Variants in SCRIB observed in about 807,000 individuals in gnomAD.
SCRIB encodes the protein scribble planar cell polarity protein.
Under a neutral mutation model 170.0 loss-of-function variants are expected in SCRIB, and 72 were observed. The observed-to-expected ratio is 0.42, with a 90% CI of 0.35 to 0.52. The LOEUF (loss-of-function observed/expected upper bound fraction) is 0.52, where lower values mean the gene tolerates loss of function less well. Ranked by LOEUF, SCRIB falls within the 20% of genes least tolerant of loss-of-function variation. The probability of loss-of-function intolerance (pLI) is 0.02; values close to 1 mark genes in which losing one functional copy is unlikely to be tolerated. For synonymous variants in SCRIB, 1,298 were observed against 1,044.3 expected, an observed-to-expected ratio of 1.24 and a Z score of -4.68; for missense variants, 2,475 against 2,338.5, an observed-to-expected ratio of 1.06 and a Z score of -1.20.
At position 143,804,027 on chromosome 8, in the gene SCRIB, C is replaced by T. The variant is rs555328683; in HGVS notation, c.3120+19G>A. ...GATGGGTGCACCTCTCACAGAACCG[C>T]CTGGATGGGCCGCCCTACCTTGGAG... On this transcript the variant is annotated intron_variant, in intron 22 of 36. Coordinates refer to ENST00000356994, the MANE Select transcript of SCRIB (RefSeq NM_182706.5). 10 of 1,594,494 alleles carry T rather than the reference C, an allele frequency of 6.3e-6. No individual in the cohort carries two copies. Among genetic ancestry groups the T allele is most frequent in the African/African-American group, 4.0e-5 (3 of 74,622 alleles).
At position 143,792,960 on chromosome 8, in the gene SCRIB, T is replaced by C. The variant is rs1451976745; in HGVS notation, c.4017+16A>G. 3.3e-6 allele frequency: 5 copies of C among 1,498,940 alleles called. No individual in the cohort carries two copies. The highest frequency in any genetic ancestry group is 4.4e-6 in the Non-Finnish European group (5 of 1,125,684). The allele number at this position is 1,498,940 out of a possible 1,614,324, so 92.9% of individuals were successfully genotyped here. On this transcript the variant is annotated intron_variant, in intron 29 of 36. Transcript: ENST00000356994. ...CCCAACCACGCGCAGCAGGGAGGCG[T>C]GCTGCCCCCACACACCTGGGCAGGG...
chr8:143,807,411 T>C lies in SCRIB; in HGVS notation c.2178+141A>G, dbSNP rs1188821842. ...CTGCCCCAGGCAGGAGGTGTCCTGA[T>C]CCTGGAGCCCAGCTGGATCTGAGAG... On this transcript the variant is annotated intron_variant, in intron 16 of 36. Transcript: ENST00000356994. The C allele has an allele frequency of 5.1e-6, 4 of 782,598 alleles. No homozygotes were observed. In the Admixed American group the frequency reaches 7.1e-5, roughly 14 times the overall value. 48.5% of individuals were successfully genotyped at this position (782,598 alleles called of 1,614,324 possible).
Position 143,814,005 on chromosome 8 carries a change from C to T in SCRIB, c.273G>A (p.Arg91=), listed in dbSNP as rs1414162068. The T allele has an allele frequency of 1.3e-6, 2 of 1,546,758 alleles. No homozygotes were observed. Among genetic ancestry groups the T allele is most frequent in the Non-Finnish European group, 1.8e-6 (2 of 1,135,996 alleles). The change falls in exon 2 of 37, where the codon CGG becomes CGA. Residue 91 remains arginine, a synonymous_variant. Transcript: ENST00000356994. The part of the protein sequence containing the change: ...FMQLVELDVS[R]NDIPEIPESI... ...GCCCCTGCCCAGGCTCCCCACCGTT[C>T]CGGGACACGTCCAGCTCCACCAGCT...
rs1586544269 is a variant in SCRIB at position 143,815,432 on chromosome 8, C to T, written c.-60G>A. The T allele has an allele frequency of 9.6e-7, 1 of 1,045,352 alleles. No homozygotes were observed. The allele number at this position is 1,045,352 out of a possible 1,614,324, so 64.8% of individuals were successfully genotyped here. On this transcript the variant is annotated 5_prime_UTR_variant, in exon 1 of 37. Coordinates refer to ENST00000356994, the MANE Select transcript of SCRIB (RefSeq NM_182706.5). Reference sequence around the variant, plus strand: ...GCTCGGCGGGCTCGGGGCCGGGGGGCGGGGCTCAGTCCGCATGGGCGCCGC... The same window carrying T: ...GCTCGGCGGGCTCGGGGCCGGGGGGTGGGGCTCAGTCCGCATGGGCGCCGC...
In SCRIB at chr8:143,793,630, G is replaced by C. The variant is rs939498986; in HGVS notation, c.3909+270C>G. The C allele has an allele frequency of 2.6e-5, 12 of 454,324 alleles. 1 individual carries two copies. Among genetic ancestry groups the C allele is most frequent in the African/African-American group, 9.9e-5 (5 of 50,728 alleles). 28.1% of individuals were successfully genotyped at this position (454,324 alleles called of 1,614,324 possible). ...GTGGGCCCTGGGAGGTGTTGGGCCTGAGACACTGACTGGGGTCTCAGGAGC... is the reference window on the plus strand; with the variant it reads ...GTGGGCCCTGGGAGGTGTTGGGCCTCAGACACTGACTGGGGTCTCAGGAGC... On this transcript the variant is annotated intron_variant, in intron 28 of 36. Coordinates refer to ENST00000356994, the MANE Select transcript of SCRIB (RefSeq NM_182706.5).
At chr8:143,809,127 C>G in intron 14 of SCRIB, 102 bp from the exon 15 acceptor site, 2 of 1,430,596 alleles carry the variant, frequency 1.4e-6, no homozygotes, top group African/African-American at 2.8e-5. Context: ...CGAAAGCCTC[C>G]CCGCCACACA....
Position 143,810,969 on chromosome 8 carries a change from C to T in SCRIB, c.1210G>A (p.Ala404Thr), listed in dbSNP as rs1342532008. The T allele has an allele frequency of 4.3e-6, 7 of 1,611,806 alleles. No individual in the cohort carries two copies. Among genetic ancestry groups the T allele is most frequent in the Non-Finnish European group, 5.9e-6 (7 of 1,179,572 alleles). ...PMLRFQTEDD[A>T]RTGEKVLTCY... Reference sequence around the variant, plus strand: ...GTGAGCACCTTCTCGCCGGTCCGGGCATCATCCTCCGTCTGGAACCGGAGC... The same window carrying T: ...GTGAGCACCTTCTCGCCGGTCCGGGTATCATCCTCCGTCTGGAACCGGAGC... The change falls in exon 11 of 37, where the codon GCC becomes ACC. Residue 404 changes from alanine (A) to threonine (T), a missense_variant. Transcript: ENST00000356994.
intron 18 of SCRIB, among the ~76,000 whole-genome samples, chr8:143,806,106 T>G (rs1470069775): frequency 6.6e-6 from 1 of 152,132 alleles, no homozygotes; most frequent in Non-Finnish European, 1.5e-5. Flanking sequence ...GAGGCCACTG[T>G]GCCAGGTGCA....
At position 143,812,317 on chromosome 8, in the gene SCRIB, G is replaced by C; in HGVS notation, c.855C>G (p.Ile285Met). The C allele has an allele frequency of 1.2e-6, 2 of 1,613,678 alleles. No homozygotes were observed. The highest frequency in any genetic ancestry group is 1.7e-6 in the Non-Finnish European group (2 of 1,179,696). The change falls in exon 9 of 37, where the codon ATC (isoleucine) becomes ATG (methionine). Residue 285 changes from isoleucine (I) to methionine (M), a missense_variant. Physicochemically the swap from Ile to Met is conservative, Grantham distance 10 (BLOSUM62 1). Transcript: ENST00000356994. The part of the protein sequence containing the change: ...QNRLCEVTEA[I>M]GDCENLSELI... Reference sequence around the variant, plus strand: ...GCTCAGAGAGGTTCTCACAGTCCCCGATGGCCTCGGTCACCTCGCACAGCC... The same window carrying C: ...GCTCAGAGAGGTTCTCACAGTCCCCCATGGCCTCGGTCACCTCGCACAGCC...
Position 143,791,086 on chromosome 8 carries a change from G to A in SCRIB, c.*77C>T, listed in dbSNP as rs1396011159. 2 of 1,346,416 alleles carry A rather than the reference G, an allele frequency of 1.5e-6. No homozygotes were observed. The highest frequency in any genetic ancestry group is 1.9e-6 in the Non-Finnish European group (2 of 1,048,808). 83.4% of individuals were successfully genotyped at this position (1,346,416 alleles called of 1,614,324 possible). ...GTCTCTTTAAAATGCTAACACCCAG[G>A]TTAAAAGACTTGGGGCAAGGGTGGT... On this transcript the variant is annotated 3_prime_UTR_variant, in exon 37 of 37. Coordinates refer to ENST00000356994, the MANE Select transcript of SCRIB (RefSeq NM_182706.5).
At position 143,803,358 on chromosome 8, in the gene SCRIB, C is replaced by T. The variant is rs201880069; in HGVS notation, c.3603+25G>A. The T allele has an allele frequency of 1.2e-4, 180 of 1,530,280 alleles. 1 individual carries two copies. In the Middle Eastern group the frequency reaches 4.1e-3, roughly 35 times the overall value. 94.8% of individuals were successfully genotyped at this position (1,530,280 alleles called of 1,614,324 possible). A position where few individuals can be genotyped will look rare whatever the true frequency, so the allele number is the denominator to read the frequency against. ...CCTTGGGCTGGGCCAGAGGGAGGCC[C>T]GGTCCCCGGGGCGGGATCGCTAACC... On this transcript the variant is annotated intron_variant, in intron 24 of 36. Transcript: ENST00000356994.
In SCRIB at chr8:143,803,858, T is replaced by C; in HGVS notation, c.3203A>G (p.Asp1068Gly). Residue 1068 changes from aspartate to glycine, a missense_variant, in exon 23 of 37, where the codon GAT becomes GGT. Transcript: ENST00000356994. ...ACTGACTGCTTCTTGGTGCGTGGCA[T>C]CCCGCACGTCTTGCCCGTTCACTGC... The part of the protein sequence containing the change: ...ILAVNGQDVR[D>G]ATHQEAVSAL... 1 of 1,601,870 alleles carries C rather than the reference T, an allele frequency of 6.2e-7. No homozygotes were observed. Among genetic ancestry groups the C allele is most frequent in the Non-Finnish European group, 8.5e-7 (1 of 1,176,214 alleles).
At chr8:143,793,984 G>A in intron 27 of SCRIB, 22 bp from the exon 28 acceptor site, 1 of 1,610,578 alleles carries the variant, frequency 6.2e-7, no homozygotes, top group South Asian at 1.1e-5. Flanking sequence ...GGCAGTGGGT[G>A]GGGTGAGGAT....
At chr8:143,798,600 T>C (rs1815044945) in intron 24 of SCRIB, among the ~76,000 whole-genome samples, 1 of 152,272 alleles carries the variant, frequency 6.6e-6, no homozygotes, top group Non-Finnish European at 1.5e-5. Context: ...CACACTCAGT[T>C]AATTTTGAAA....
chr8:143,815,634 C>T lies in SCRIB; in HGVS notation c.-262G>A, dbSNP rs1816061747. The T allele has an allele frequency of 1.0e-6, 1 of 982,756 alleles. No homozygotes were observed. 60.9% of individuals were successfully genotyped at this position (982,756 alleles called of 1,614,324 possible). On this transcript the variant is annotated 5_prime_UTR_variant, in exon 1 of 37. Coordinates refer to ENST00000356994, the MANE Select transcript of SCRIB (RefSeq NM_182706.5). ...GCGCGGGGAGCGGCGGCGGCGGCGG[C>T]TCCGCATCCCGCTTGGTCCTGCTCA...
chr8:143,814,873 T>C, intron 1 of SCRIB: 2 of 300,034 alleles, frequency 6.7e-6, no homozygotes, highest in Non-Finnish European at 1.2e-5. Context: ...TGGACCCACC[T>C]CCAGAGCGGC....
Position 143,813,667 on chromosome 8 carries a change from G to C in SCRIB, c.416C>G (p.Ser139Cys). Residue 139 changes from serine to cysteine, a missense_variant, in exon 4 of 37, where the codon TCT becomes TGT. By Grantham distance (112) the Ser-to-Cys change is moderately radical. Coordinates refer to ENST00000356994, the MANE Select transcript of SCRIB (RefSeq NM_182706.5). ...SLAHLALNDV[S>C]LQALPGDVGN... is the part of the protein sequence containing the mutation. ...CACGTCCCCGGGCAGTGCCTGCAGA[G>C]ACACATCATTCAGGGCCAGGTGAGC... 6.2e-7 allele frequency: 1 copy of C among 1,613,588 alleles called. No individual in the cohort carries two copies. The highest frequency in any genetic ancestry group is 8.5e-7 in the Non-Finnish European group (1 of 1,180,028).
chr8:143,809,251 C>T (rs1815590421), intron 14 of SCRIB, among the ~76,000 whole-genome samples: 1 of 152,128 alleles, frequency 6.6e-6, no homozygotes, highest in Non-Finnish European at 1.5e-5. Context: ...CGAAGGGGTG[C>T]GCCAAGGCCT....
Position 143,804,653 on chromosome 8 carries a change from G to A in SCRIB, c.2924C>T (p.Thr975Ile), listed in dbSNP as rs1554635902. The part of the protein sequence containing the change: ...PTAAVATTSI[T>I]TATPGVPGLP... ...CCCAGGCACCCCGGGGGTGGCAGTGGTTATGCTGGTGGTGGCAACAGCAGC... is the reference window on the plus strand; with the variant it reads ...CCCAGGCACCCCGGGGGTGGCAGTGATTATGCTGGTGGTGGCAACAGCAGC... Residue 975 changes from threonine (T) to isoleucine (I), a missense_variant, in exon 21 of 37, where the codon ACC becomes ATC. Thr to Ile is a moderately conservative substitution (Grantham distance 89). Coordinates refer to ENST00000356994, the MANE Select transcript of SCRIB (RefSeq NM_182706.5). The A allele has an allele frequency of 6.5e-6, 10 of 1,545,518 alleles. No individual in the cohort carries two copies. In the South Asian group the frequency reaches 1.2e-4, roughly 19 times the overall value.
Sources: allele counts gnomAD v4.1 joint callset (sites outside exome capture counted in the v4.1 genomes callset), GRCh38; gene constraint gnomAD v4.1.1; transcripts MANE v1.5; gene names NCBI Gene and HGNC (gene_info 2026-07-23, HGNC 2026-07-21).